MANBAL: variants seen among roughly 807,000 people sequenced by gnomAD.
MANBAL encodes the protein protein MANBAL.
MANBAL carries 1 observed loss-of-function variant against 6.4 expected under a neutral mutation model. The observed-to-expected ratio is 0.16, with a 90% CI of 0.06 to 0.74. The LOEUF (loss-of-function observed/expected upper bound fraction) is 0.74, where lower values mean the gene tolerates loss of function less well. Among genes scored for constraint, MANBAL ranks in the 30% least tolerant of loss-of-function variants. MANBAL has a pLI of 0.78. For synonymous variants in MANBAL, 47 were observed against 45.8 expected, an observed-to-expected ratio of 1.03 and a Z score of -0.10; for missense variants, 100 against 107.8, an observed-to-expected ratio of 0.93 and a Z score of 0.32.
chr20:37,306,494 A>G (rs1482419989), intron 2 of MANBAL, among the ~76,000 whole-genome samples: 1 of 152,234 alleles, frequency 6.6e-6, no homozygotes, highest in Non-Finnish European at 1.5e-5. Flanking sequence ...TCAAAAACCA[A>G]GTCCCTAGAA....
At chr20:37,312,575 A>G (rs1395947337) in intron 2 of MANBAL, among the ~76,000 whole-genome samples, 1 of 152,214 alleles carries the variant, frequency 6.6e-6, no homozygotes, top group African/African-American at 2.4e-5. Context: ...TGAGGCCGTC[A>G]TGTCCAGACA....
At chr20:37,302,645 C>T (rs2069164553) in intron 2 of MANBAL, among the ~76,000 whole-genome samples, 1 of 152,126 alleles carries the variant, frequency 6.6e-6, no homozygotes, top group Non-Finnish European at 1.5e-5. Flanking sequence ...TTGGTTCTTT[C>T]CCTTTATTTA....
intron 1 of MANBAL, among the ~76,000 whole-genome samples, chr20:37,290,117 G>A (rs201338436): frequency 6.6e-6 from 1 of 152,260 alleles, no homozygotes; most frequent in East Asian, 1.9e-4. Flanking sequence ...ATACACGCTT[G>A]TACTGCGGGG....
At chr20:37,310,532 C>T (rs1304455343) in intron 2 of MANBAL, among the ~76,000 whole-genome samples, 1 of 152,214 alleles carries the variant, frequency 6.6e-6, no homozygotes. Flanking sequence ...CGTAGAATGA[C>T]ATTTTGTCCT....
At position 37,316,657 on chromosome 20, in the gene MANBAL, A is replaced by C; in HGVS notation, c.*242A>C. On this transcript the variant is annotated 3_prime_UTR_variant, in exon 3 of 3. Transcript: ENST00000373606. ...AAGGGGGCTGAAACACACTGTGAGC[A>C]TAGACTGTATTAGGTTTGTTCAGAA... 1 of 392,614 alleles carries C rather than the reference A, an allele frequency of 2.5e-6. No homozygotes were observed. The highest frequency in any genetic ancestry group is 4.8e-6 in the Non-Finnish European group (1 of 210,440). The allele number at this position is 392,614 out of a possible 1,614,324, so 24.3% of individuals were successfully genotyped here.
At chr20:37,310,901 G>C (rs1039066439) in intron 2 of MANBAL, among the ~76,000 whole-genome samples, 2 of 152,194 alleles carry the variant, frequency 1.3e-5, no homozygotes, top group Non-Finnish European at 2.9e-5. Context: ...GGCTGGTACG[G>C]GCAGCGTACA....
chr20:37,315,210 A>C (rs1353934907), intron 2 of MANBAL, among the ~76,000 whole-genome samples: 1 of 152,248 alleles, frequency 6.6e-6, no homozygotes, highest in African/African-American at 2.4e-5. Flanking sequence ...CTAGGAATCC[A>C]GATTTCATGG....
chr20:37,304,578 T>A (rs923861678), intron 2 of MANBAL, among the ~76,000 whole-genome samples: 10 of 152,240 alleles, frequency 6.6e-5, no homozygotes, highest in Admixed American at 2.0e-4. Flanking sequence ...TTTGCAACTT[T>A]CTTTTTTCAC....
chr20:37,302,469 C>T (rs953057971), intron 2 of MANBAL: 32 of 1,010,656 alleles, frequency 3.2e-5, no homozygotes, highest in African/African-American at 1.3e-4. Flanking sequence ...TATAAAAATC[C>T]GGTCAGTCTT....
intron 1 of MANBAL, among the ~76,000 whole-genome samples, chr20:37,291,182 A>G (rs747558952): frequency 5.3e-5 from 8 of 152,130 alleles, no homozygotes; most frequent in Non-Finnish European, 7.4e-5. Flanking sequence ...TTTTTCCCCA[A>G]TAACCTTTTT....
chr20:37,298,317 C>G (rs1017741358), intron 1 of MANBAL, among the ~76,000 whole-genome samples: 1 of 152,156 alleles, frequency 6.6e-6, no homozygotes, highest in African/African-American at 2.4e-5. Context: ...TGTTGTATAA[C>G]CGTCATCACT....
intron 2 of MANBAL, among the ~76,000 whole-genome samples, chr20:37,314,401 T>C (rs6104530): frequency 0.058 from 8,855 of 152,106 alleles, 413 homozygotes; most frequent in East Asian, 0.2. Context: ...AGACAGGGCC[T>C]GTGGAGTGAG....
intron 2 of MANBAL, among the ~76,000 whole-genome samples, chr20:37,309,375 C>T (rs2069329932): frequency 6.6e-6 from 1 of 152,226 alleles, no homozygotes; most frequent in Admixed American, 6.5e-5. Flanking sequence ...GGAATGAGTG[C>T]TGTCTCTGGC....
In MANBAL at chr20:37,307,756, C is replaced by CAA. The variant is rs57668746; in HGVS notation, c.150+6356_150+6357dup. 2.5e-4 allele frequency among the ~76,000 whole-genome samples: 25 copies of CAA among 101,962 alleles called. 1 individual carries two copies. Among genetic ancestry groups the CAA allele is most frequent in the African/African-American group, 8.0e-4 (22 of 27,638 alleles). 66.9% of individuals were successfully genotyped at this position (101,962 alleles called of 152,430 possible). A position where few individuals can be genotyped will look rare whatever the true frequency, so the allele number is the denominator to read the frequency against. On this transcript the variant is annotated intron_variant, in intron 2 of 2. Coordinates refer to ENST00000373606, the MANE Select transcript of MANBAL (RefSeq NM_001003897.2). Reference sequence around the variant, plus strand: ...TGGGCGACAGAGCGAGACTCCATCTCAAAAAAAAAAAAAAGGAAACCAAAC... The same window carrying CAA: ...TGGGCGACAGAGCGAGACTCCATCTCAAAAAAAAAAAAAAAAGGAAACCAAAC...
chr20:37,313,711 GA>G (rs1568604998), intron 2 of MANBAL, among the ~76,000 whole-genome samples: 1 of 152,190 alleles, frequency 6.6e-6, no homozygotes, highest in African/African-American at 2.4e-5. Context: ...GTCTTAAAAA[GA>G]ATGGTGGCAT....
intron 2 of MANBAL, among the ~76,000 whole-genome samples, chr20:37,303,092 G>A (rs533782126): frequency 1.6e-4 from 25 of 152,304 alleles, no homozygotes; most frequent in African/African-American, 5.5e-4. Flanking sequence ...TGTATTTTTA[G>A]TAGAGACACG....
At chr20:37,310,403 C>T (rs771582340) in intron 2 of MANBAL, among the ~76,000 whole-genome samples, 10 of 152,196 alleles carry the variant, frequency 6.6e-5, no homozygotes, top group Non-Finnish European at 1.5e-4. Context: ...AGTCTGCCTC[C>T]GTCATCAGAA....
chr20:37,294,233 T>A (rs1388373709), intron 1 of MANBAL, among the ~76,000 whole-genome samples: 1 of 152,268 alleles, frequency 6.6e-6, no homozygotes, highest in Non-Finnish European at 1.5e-5. Context: ...GGATTATTTT[T>A]AACTTCTTTC....
intron 2 of MANBAL, among the ~76,000 whole-genome samples, chr20:37,307,966 T>C (rs1055121271): frequency 7.2e-5 from 11 of 152,172 alleles, no homozygotes; most frequent in African/African-American, 2.2e-4. Flanking sequence ...CCGCAGGGCC[T>C]CCGGAAGTGG....
Sources: gnomAD v4.1 joint callset for allele counts (sites outside exome capture counted in the v4.1 genomes callset) on GRCh38, gnomAD v4.1.1 for gene constraint, MANE v1.5 for transcripts, NCBI Gene and HGNC (gene_info 2026-07-23, HGNC 2026-07-21) for gene names.